Variants in SPACA9 observed in about 807,000 individuals in gnomAD.
SPACA9 encodes the protein sperm acrosome associated 9.
In SPACA9, 14 loss-of-function variants were observed where a neutral mutation model predicts 12.5. That is an observed-to-expected ratio of 1.12 (90% CI 0.74 to 1.75). The LOEUF is 1.75. Among genes scored for constraint, SPACA9 ranks in the 40% most tolerant of loss-of-function variants. The pLI, the probability that SPACA9 is intolerant of heterozygous loss-of-function variation, is 0.00. For synonymous variants in SPACA9, 111 were observed against 114.1 expected, an observed-to-expected ratio of 0.97 and a Z score of 0.17; for missense variants, 292 against 291.9, an observed-to-expected ratio of 1.00 and a Z score of 0.00.
Position 132,883,983 on chromosome 9 carries a change from G to A in SPACA9, c.36G>A (p.Glu12=). 6.2e-7 allele frequency: 1 copy of A among 1,614,204 alleles called. No homozygotes were observed. The highest frequency in any genetic ancestry group is 8.5e-7 in the Non-Finnish European group (1 of 1,180,026). ...TGAAAGAATCCCTTCGCAGCATCGA[G>A]CAGAAGTACAAGCTCTTCCAGCAGC... ...NEVKESLRSI[E]QKYKLFQQQQ... Residue 12 remains glutamate (E), a synonymous_variant, in exon 2 of 4, where the codon GAG becomes GAA. Coordinates refer to ENST00000356311, the MANE Select transcript of SPACA9 (RefSeq NM_001316897.2).
At chr9:132,884,852 A>C (rs1049840269) in intron 2 of SPACA9, among the ~76,000 whole-genome samples, 2 of 152,244 alleles carry the variant, frequency 1.3e-5, no homozygotes, top group Non-Finnish European at 2.9e-5. Flanking sequence ...GTGGTGGCTC[A>C]TGCCTGTAAT....
At chr9:132,885,070 G>C (rs112714638) in intron 2 of SPACA9, among the ~76,000 whole-genome samples, 1 of 151,352 alleles carries the variant, frequency 6.6e-6, no homozygotes, top group African/African-American at 2.4e-5. Context: ...CCGATATTGC[G>C]CCACTGTACT....
In SPACA9 at chr9:132,890,030, C is replaced by T; in HGVS notation, c.*1419C>T. 2 of 1,409,588 alleles carry T rather than the reference C, an allele frequency of 1.4e-6. No homozygotes were observed. Among genetic ancestry groups the T allele is most frequent in the Non-Finnish European group, 1.9e-6 (2 of 1,069,780 alleles). 87.3% of individuals were successfully genotyped at this position (1,409,588 alleles called of 1,614,324 possible). On this transcript the variant is annotated 3_prime_UTR_variant, in exon 4 of 4. Coordinates refer to ENST00000356311, the MANE Select transcript of SPACA9 (RefSeq NM_001316897.2). ...TCAAGAATAAAAAGTATTCTACCAC[C>T]TCTCTGCCTGACTTGGTTTCCTGGG...
At position 132,889,483 on chromosome 9, in the gene SPACA9, T is replaced by A; in HGVS notation, c.*872T>A. 1 of 866,074 alleles carries A rather than the reference T, an allele frequency of 1.2e-6. No homozygotes were observed. The highest frequency in any genetic ancestry group is 1.4e-6 in the Non-Finnish European group (1 of 720,920). 53.6% of individuals were successfully genotyped at this position (866,074 alleles called of 1,614,324 possible). ...GTGCAGTGGCACGATCTTGGCTCAC[T>A]GCAACCTCCACCTCCAGGTTCAAGC... On this transcript the variant is annotated 3_prime_UTR_variant, in exon 4 of 4. Coordinates refer to ENST00000356311, the MANE Select transcript of SPACA9 (RefSeq NM_001316897.2).
At chr9:132,883,562 ATGTGTGTGCGTG>A (rs938800758) in intron 1 of SPACA9, among the ~76,000 whole-genome samples, 1 of 152,068 alleles carries the variant, frequency 6.6e-6, no homozygotes, top group Non-Finnish European at 1.5e-5. Context: ...GTGCACATGC[ATGTGTGTGCGTG>A]TGTGTGTGCG....
Position 132,889,400 on chromosome 9 carries a change from C to T in SPACA9, c.*789C>T. The T allele has an allele frequency of 1.0e-6, 1 of 985,410 alleles. No homozygotes were observed. The highest frequency in any genetic ancestry group is 1.2e-6 in the Non-Finnish European group (1 of 829,948). 61.0% of individuals were successfully genotyped at this position (985,410 alleles called of 1,614,324 possible). ...GGAGTGGGGGTCGGCATGTGGAACT[C>T]AGCGTGTTTATTTTTTTATTTTTTG... On this transcript the variant is annotated 3_prime_UTR_variant, in exon 4 of 4. Transcript: ENST00000356311.
chr9:132,880,275 C>A (rs561954756), intron 1 of SPACA9, among the ~76,000 whole-genome samples: 1 of 152,308 alleles, frequency 6.6e-6, no homozygotes, highest in South Asian at 2.1e-4. Context: ...TCCCTCCTCC[C>A]CCAGATCGAG....
At position 132,887,608 on chromosome 9, in the gene SPACA9, G is replaced by A; in HGVS notation, c.347+37G>A. On this transcript the variant is annotated intron_variant, in intron 3 of 3. Coordinates refer to ENST00000356311, the MANE Select transcript of SPACA9 (RefSeq NM_001316897.2). This position sits in a 1 kb window ranked among gnomAD's most constrained non-coding sequence, Gnocchi z 5.4. The stretch of plus-strand genomic sequence containing the variant: ...TGATGCTGCTCTTGAGGCCCCGTGT[G>A]TGCCTGTGGGGAGGCCTCTGTCCTG... 1.3e-6 allele frequency: 2 copies of A among 1,571,776 alleles called. No individual in the cohort carries two copies. The highest frequency in any genetic ancestry group is 1.7e-6 in the Non-Finnish European group (2 of 1,143,260).
At chr9:132,884,163 T>TG (rs1844505312) in intron 2 of SPACA9, 72 bp downstream of exon 2, 1 of 1,542,604 alleles carries the variant, frequency 6.5e-7, no homozygotes, top group Admixed American at 1.8e-5. Flanking sequence ...ATGAAACCAC[T>TG]GGGGCCCAGA....
chr9:132,887,236 C>T lies in SPACA9; in HGVS notation c.145-133C>T, dbSNP rs895202630. 8 of 733,600 alleles carry T rather than the reference C, an allele frequency of 1.1e-5. No homozygotes were observed. The African/African-American group carries it at 1.4e-4, about 13-fold the overall frequency. The allele number at this position is 733,600 out of a possible 1,614,324, so 45.4% of individuals were successfully genotyped here. On this transcript the variant is annotated intron_variant, in intron 2 of 3. Transcript: ENST00000356311. The surrounding 1 kb of genome is among the most constrained non-coding windows in gnomAD (Gnocchi z 5.4). ...TGGTCTGTACCTTAAAATGCTTAAG[C>T]GTTACTTGCGTCTCCCCCATGAGTC...
At chr9:132,884,521 G>T (rs1028351124) in intron 2 of SPACA9, among the ~76,000 whole-genome samples, 12 of 152,218 alleles carry the variant, frequency 7.9e-5, no homozygotes, top group African/African-American at 2.9e-4. Context: ...CAAGCACACC[G>T]CCAGGTGCTT....
At chr9:132,885,232 G>A (rs1319669362) in intron 2 of SPACA9, among the ~76,000 whole-genome samples, 2 of 151,692 alleles carry the variant, frequency 1.3e-5, no homozygotes, top group African/African-American at 4.8e-5. Context: ...TAAATATAGA[G>A]GCCAGACACA....
rs991402810 is a variant in SPACA9 at position 132,887,902 on chromosome 9, G to A, written c.347+331G>A. On this transcript the variant is annotated intron_variant, in intron 3 of 3. Transcript: ENST00000356311. This position sits in a 1 kb window ranked among gnomAD's most constrained non-coding sequence, Gnocchi z 5.4. ...GTGGACACCAGAGCCGCCTCCCAGG[G>A]GCAGCAGCACTGGCACTGAGGGCTC... Among the ~76,000 whole-genome samples, 3 of 152,084 alleles carry A rather than the reference G, an allele frequency of 2.0e-5. No individual in the cohort carries two copies. Among genetic ancestry groups the A allele is most frequent in the Non-Finnish European group, 4.4e-5 (3 of 68,002 alleles).
chr9:132,878,355 G>A (rs1844251907), upstream of SPACA9: 8 of 1,258,352 alleles, frequency 6.4e-6, no homozygotes, highest in Admixed American at 3.3e-4. The surrounding 1 kb of genome is among the most constrained non-coding windows in gnomAD (Gnocchi z 4.7). Context: ...TGCAGGCTCC[G>A]CGCCGGGCCC....
In SPACA9 at chr9:132,887,731, A is replaced by C. The variant is rs1844609812; in HGVS notation, c.347+160A>C. On this transcript the variant is annotated intron_variant, in intron 3 of 3. Coordinates refer to ENST00000356311, the MANE Select transcript of SPACA9 (RefSeq NM_001316897.2). This position sits in a 1 kb window ranked among gnomAD's most constrained non-coding sequence, Gnocchi z 5.4. ...TTTATTGGAATGACTCGGATTCAAC[A>C]AAACCTTTTCTTTACAACCATCGTA... Among the ~76,000 whole-genome samples the C allele has an allele frequency of 6.6e-6, 1 of 152,132 alleles. No homozygotes were observed. The highest frequency in any genetic ancestry group is 1.5e-5 in the Non-Finnish European group (1 of 68,026).
chr9:132,878,401 C>A (rs1844257589), upstream of SPACA9: 9 of 1,241,012 alleles, frequency 7.3e-6, no homozygotes, highest in Non-Finnish European at 9.1e-6. The surrounding 1 kb of genome is among the most constrained non-coding windows in gnomAD (Gnocchi z 4.7). Context: ...GTCGCCCCCG[C>A]CCCGACCTCC....
chr9:132,889,674 C>T lies in SPACA9; in HGVS notation c.*1063C>T. The T allele has an allele frequency of 9.7e-7, 1 of 1,029,064 alleles. No homozygotes were observed. The allele number at this position is 1,029,064 out of a possible 1,614,324, so 63.7% of individuals were successfully genotyped here. A position where few individuals can be genotyped will look rare whatever the true frequency, so the allele number is the denominator to read the frequency against. ...AACTGGTCCACCCGCCTCGGCCTCC[C>T]AAAGTGCTGGGATTACAGGTGTGAG... On this transcript the variant is annotated 3_prime_UTR_variant, in exon 4 of 4. Transcript: ENST00000356311.
chr9:132,883,253 G>A (rs1479319832), intron 1 of SPACA9, among the ~76,000 whole-genome samples: 1 of 152,184 alleles, frequency 6.6e-6, no homozygotes, highest in Admixed American at 6.5e-5. Context: ...CCCTGAGAAT[G>A]CGCAAACCTG....
chr9:132,883,185 A>G (rs1163560200), intron 1 of SPACA9, among the ~76,000 whole-genome samples: 2 of 152,138 alleles, frequency 1.3e-5, no homozygotes, highest in Non-Finnish European at 2.9e-5. Flanking sequence ...CATGTTACTG[A>G]TCATGGCATT....
Sources: allele counts gnomAD v4.1 joint callset (sites outside exome capture counted in the v4.1 genomes callset), GRCh38; gene constraint gnomAD v4.1.1; non-coding constraint Gnocchi (gnomAD v3.1); transcripts MANE v1.5; gene names NCBI Gene and HGNC (gene_info 2026-07-23, HGNC 2026-07-21).